Variants in CGAS observed in about 807,000 individuals in gnomAD.
CGAS encodes the protein 2'3'-cGAMP synthase.
Under a neutral mutation model 34.0 loss-of-function variants are expected in CGAS, and 31 were observed. The ratio of observed to expected loss-of-function variants is 0.91; its 90% CI spans 0.69 to 1.23. CGAS has a LOEUF of 1.23. Ranked by LOEUF, CGAS falls within the 50% of genes most tolerant of loss-of-function variation. CGAS has a pLI of 0.00. For synonymous variants in CGAS, 266 were observed against 260.0 expected (o/e 1.02, Z -0.22); for missense variants, 597 against 657.6 (o/e 0.91, Z 1.01).
intron 3 of CGAS, chr6:73,439,918 A>C (rs1341589421): frequency 3.3e-6 from 1 of 305,240 alleles, no homozygotes; most frequent in Non-Finnish European, 6.1e-6. Flanking sequence ...CTCAGGATTC[A>C]GAACCAGGGC....
intron 3 of CGAS, among the ~76,000 whole-genome samples, chr6:73,432,630 T>C (rs922393947): frequency 2.0e-5 from 3 of 152,046 alleles, no homozygotes; most frequent in African/African-American, 4.8e-5. Context: ...GCTAATTTAT[T>C]TTGTATTTTT....
intron 3 of CGAS, among the ~76,000 whole-genome samples, chr6:73,429,512 TTA>T (rs1281325046): frequency 6.6e-6 from 1 of 152,058 alleles, no homozygotes; most frequent in African/African-American, 2.4e-5. Flanking sequence ...TTATTCTTAT[TTA>T]TGAGAGTTTG....
At chr6:73,426,185 A>G (rs1770083112) in intron 4 of CGAS, among the ~76,000 whole-genome samples, 1 of 151,276 alleles carries the variant, frequency 6.6e-6, no homozygotes, top group Non-Finnish European at 1.5e-5. Flanking sequence ...CGGGAGGCTG[A>G]GGCAGGAGAA....
intron 4 of CGAS, among the ~76,000 whole-genome samples, chr6:73,426,328 A>T (rs1770086221): frequency 7.5e-6 from 1 of 133,750 alleles, no homozygotes; most frequent in Admixed American, 7.9e-5. Context: ...ATAAAATGAA[A>T]TAAATGAAAT....
chr6:73,449,738 G>A (rs1770529470), intron 1 of CGAS, among the ~76,000 whole-genome samples: 1 of 152,118 alleles, frequency 6.6e-6, no homozygotes, highest in Non-Finnish European at 1.5e-5. Flanking sequence ...GCTCAAGCCT[G>A]TAATCCCAGC....
chr6:73,442,462 G>A (rs966780857), intron 2 of CGAS, among the ~76,000 whole-genome samples: 10 of 150,680 alleles, frequency 6.6e-5, no homozygotes, highest in Non-Finnish European at 8.9e-5. Context: ...GTGCAGTAGC[G>A]TGAACATGGC....
chr6:73,447,290 T>C (rs1770487889), intron 1 of CGAS, among the ~76,000 whole-genome samples: 2 of 151,942 alleles, frequency 1.3e-5, no homozygotes, highest in Admixed American at 6.6e-5. Flanking sequence ...TTCAGTTTTT[T>C]GTTTTTTTTT....
chr6:73,445,568 C>A lies in CGAS; in HGVS notation c.837G>T (p.Lys279Asn). ...EILSASKMLS[K>N]FRKIIKEEIN... ...TTTCTTCCTTAATGATTTTCCTAAACTTTGACAGCATCTTAGAAGCTGATA... is the reference window on the plus strand; with the variant it reads ...TTTCTTCCTTAATGATTTTCCTAAAATTTGACAGCATCTTAGAAGCTGATA... The change falls in exon 2 of 5, where the codon AAG becomes AAT. Residue 279 changes from lysine (K) to asparagine (N), a missense_variant. Physicochemically the swap from Lys to Asn is moderately conservative, Grantham distance 94 (BLOSUM62 0). Around this residue, in one of 3 missense-constraint regions of CGAS, gnomAD observed 271 missense variants for 324.1 expected, o/e 0.84. Coordinates refer to ENST00000370315, the MANE Select transcript of CGAS (RefSeq NM_138441.3). The A allele has an allele frequency of 6.2e-7, 1 of 1,607,184 alleles. No individual in the cohort carries two copies. Among genetic ancestry groups the A allele is most frequent in the Non-Finnish European group, 8.5e-7 (1 of 1,178,154 alleles).
chr6:73,434,930 G>A (rs1018154123), intron 3 of CGAS, among the ~76,000 whole-genome samples: 4 of 152,142 alleles, frequency 2.6e-5, no homozygotes, highest in African/African-American at 9.7e-5. Flanking sequence ...TTACAGGCAA[G>A]ACCCACTGTG....
At chr6:73,443,628 C>T (rs1275743447) in intron 2 of CGAS, among the ~76,000 whole-genome samples, 2 of 152,204 alleles carry the variant, frequency 1.3e-5, no homozygotes, top group Non-Finnish European at 2.9e-5. Flanking sequence ...CCTGATCCCT[C>T]TCACTTTGCT....
intron 3 of CGAS, among the ~76,000 whole-genome samples, chr6:73,434,653 A>G (rs1770251417): frequency 6.6e-6 from 1 of 151,960 alleles, no homozygotes; most frequent in Admixed American, 6.6e-5. Flanking sequence ...GATAAAGTAT[A>G]TAATTTTTTT....
In CGAS at chr6:73,451,606, G is replaced by T; in HGVS notation, c.576C>A (p.His192Gln). The T allele has an allele frequency of 6.2e-7, 1 of 1,614,112 alleles. No individual in the cohort carries two copies. The highest frequency in any genetic ancestry group is 8.5e-7 in the Non-Finnish European group (1 of 1,180,010). Residue 192 changes from histidine to glutamine, a missense_variant, in exon 1 of 5, where the codon CAC (histidine) becomes CAA (glutamine). Coordinates refer to ENST00000370315, the MANE Select transcript of CGAS (RefSeq NM_138441.3). ...AGTCGCACTTCAGTCTGAGCAGCAG[G>T]TGGTCCACAACCCCTTTCACCATCC... ...AAGMVKGVVD[H>Q]LLLRLKCDSA...
At chr6:73,444,207 C>T (rs1770430061) in intron 2 of CGAS, among the ~76,000 whole-genome samples, 1 of 152,040 alleles carries the variant, frequency 6.6e-6, no homozygotes, top group Admixed American at 6.6e-5. Context: ...CCAGGCTGGT[C>T]TTGAACTCCT....
At chr6:73,429,696 G>T (rs1052222848) in intron 3 of CGAS, among the ~76,000 whole-genome samples, 8 of 151,796 alleles carry the variant, frequency 5.3e-5, no homozygotes, top group Admixed American at 1.3e-4. Context: ...CGTGGTGGCG[G>T]GCGCCTGTAA....
chr6:73,427,781 T>A (rs1770114502), intron 4 of CGAS, among the ~76,000 whole-genome samples: 1 of 152,118 alleles, frequency 6.6e-6, no homozygotes, highest in Admixed American at 6.6e-5. Flanking sequence ...CCAGCCTGCC[T>A]GGGCAACAAA....
intron 2 of CGAS, among the ~76,000 whole-genome samples, chr6:73,443,388 G>A (rs1562293894): frequency 1.3e-5 from 2 of 151,822 alleles, no homozygotes; most frequent in South Asian, 2.1e-4. Flanking sequence ...ACAGGCACCC[G>A]CCACCACGCC....
At chr6:73,443,514 A>G (rs1037913735) in intron 2 of CGAS, among the ~76,000 whole-genome samples, 1 of 152,102 alleles carries the variant, frequency 6.6e-6, no homozygotes, top group African/African-American at 2.4e-5. Context: ...TTGGGATTAC[A>G]GGCGTGAGCC....
At chr6:73,448,578 C>T (rs1426218055) in intron 1 of CGAS, among the ~76,000 whole-genome samples, 3 of 152,044 alleles carry the variant, frequency 2.0e-5, no homozygotes, top group Non-Finnish European at 4.4e-5. Flanking sequence ...CATGTATTTT[C>T]GAGATTTTTT....
In CGAS at chr6:73,452,071, A is replaced by T; in HGVS notation, c.111T>A (p.Ser37=). The T allele has an allele frequency of 6.4e-7, 1 of 1,550,504 alleles. No individual in the cohort carries two copies. The highest frequency in any genetic ancestry group is 2.4e-5 in the East Asian group (1 of 42,240). ...ARGAPMDPTE[S]PAAPEAALPK... Reference sequence around the variant, plus strand: ...GCAGGGCGGCCTCGGGGGCAGCCGGAGACTCGGTGGGATCCATCGGGGCGC... The same window carrying T: ...GCAGGGCGGCCTCGGGGGCAGCCGGTGACTCGGTGGGATCCATCGGGGCGC... The change falls in exon 1 of 5, where the codon TCT becomes TCA. Residue 37 remains serine (S), a synonymous_variant. Coordinates refer to ENST00000370315, the MANE Select transcript of CGAS (RefSeq NM_138441.3).
Sources: allele counts gnomAD v4.1 joint callset (sites outside exome capture counted in the v4.1 genomes callset), GRCh38; gene constraint gnomAD v4.1.1; regional missense constraint gnomAD v4.1.1; transcripts MANE v1.5; gene names NCBI Gene and HGNC (gene_info 2026-07-23, HGNC 2026-07-21).